DENND2C: variants seen among roughly 807,000 people sequenced by gnomAD.
DENND2C encodes DENN domain containing 2C, also known as DENN domain-containing protein 2C.
Under a neutral mutation model 112.4 loss-of-function variants are expected in DENND2C, and 72 were observed. The ratio of observed to expected loss-of-function variants is 0.64; its 90% CI spans 0.53 to 0.78. DENND2C has a LOEUF of 0.78. Among genes scored for constraint, DENND2C ranks in the 30% least tolerant of loss-of-function variants. The pLI, the probability that DENND2C is intolerant of heterozygous loss-of-function variation, is 0.00. For missense variants in DENND2C, 992 were observed against 1,113.8 expected (o/e 0.89, Z 1.56); for synonymous variants, 329 against 381.6 (o/e 0.86, Z 1.61).
At chr1:114,610,564 G>A (rs1031224555) in intron 9 of DENND2C, among the ~76,000 whole-genome samples, 1 of 152,108 alleles carries the variant, frequency 6.6e-6, no homozygotes, top group Admixed American at 6.5e-5. Context: ...GCTTGGCGTG[G>A]TGGCACATGC....
intron 3 of DENND2C, among the ~76,000 whole-genome samples, chr1:114,638,038 A>C (rs1164454490): frequency 1.3e-5 from 2 of 152,196 alleles, no homozygotes; most frequent in African/African-American, 4.8e-5. Context: ...AGACTACCTG[A>C]TTTTAAGACT....
At chr1:114,652,783 G>A (rs886321253) in intron 2 of DENND2C, among the ~76,000 whole-genome samples, 1 of 150,590 alleles carries the variant, frequency 6.6e-6, no homozygotes, top group Non-Finnish European at 1.5e-5. Context: ...CCGGGCTCAA[G>A]TGATTGTCCC....
intron 12 of DENND2C, 53 bp from the exon 13 acceptor site, chr1:114,601,638 T>C: frequency 1.3e-6 from 2 of 1,492,182 alleles, no homozygotes; most frequent in Non-Finnish European, 9.3e-7. Context: ...ACATTTTTAT[T>C]AATACTAATT....
In DENND2C at chr1:114,626,138, T is replaced by G; in HGVS notation, c.-154A>C. On this transcript the variant is annotated 5_prime_UTR_variant, in exon 4 of 21. Transcript: ENST00000393274. ...GTAAATCTCTTTGTAAAAAGAAAAT[T>G]TTGATCAGTGATCCTTGTTGAAAAT... The G allele has an allele frequency of 1.3e-6, 1 of 745,582 alleles. No individual in the cohort carries two copies. 46.2% of individuals were successfully genotyped at this position (745,582 alleles called of 1,614,324 possible). A position where few individuals can be genotyped will look rare whatever the true frequency, so the allele number is the denominator to read the frequency against.
At chr1:114,636,257 T>TA (rs1455987401) in intron 3 of DENND2C, among the ~76,000 whole-genome samples, 1 of 151,980 alleles carries the variant, frequency 6.6e-6, no homozygotes, top group African/African-American at 2.4e-5. Context: ...TATCTATAAA[T>TA]AAAAAAACCC....
At chr1:114,657,923 C>T (rs1376078382) in intron 1 of DENND2C, among the ~76,000 whole-genome samples, 1 of 152,156 alleles carries the variant, frequency 6.6e-6, no homozygotes, top group African/African-American at 2.4e-5. Flanking sequence ...GGAGAGAGAG[C>T]ATGGGCCTCC....
Position 114,594,529 on chromosome 1 carries a change from A to C in DENND2C, c.2375T>G (p.Met792Arg). ...ILPPKLQAAL[M>R]QILEERNEIL... ...TTCATTTCGTTCTTCCAAAATCTGC[A>C]TCAGGGCAGCTTGAAGTTTTGGTGG... Residue 792 changes from methionine (M) to arginine (R), a missense_variant, in exon 18 of 21, where the codon ATG becomes AGG. Met to Arg is a moderately conservative substitution (Grantham distance 91, BLOSUM62 -1). This residue lies in a region of DENND2C where 516 missense variants were observed against 623.6 expected (regional missense o/e 0.83). Coordinates refer to ENST00000393274, the MANE Select transcript of DENND2C (RefSeq NM_001256404.2). 1 of 1,614,056 alleles carries C rather than the reference A, an allele frequency of 6.2e-7. No individual in the cohort carries two copies. The highest frequency in any genetic ancestry group is 8.5e-7 in the Non-Finnish European group (1 of 1,180,002).
chr1:114,636,568 G>A (rs1570795071), intron 3 of DENND2C, among the ~76,000 whole-genome samples: 1 of 152,086 alleles, frequency 6.6e-6, no homozygotes. Context: ...GGGAGATTAA[G>A]GTGGGAATGG....
At chr1:114,649,344 A>C (rs975402468) in intron 2 of DENND2C, among the ~76,000 whole-genome samples, 1 of 152,192 alleles carries the variant, frequency 6.6e-6, no homozygotes, top group African/African-American at 2.4e-5. Flanking sequence ...AAATTGCTTC[A>C]AAACAACTTT....
intron 1 of DENND2C, among the ~76,000 whole-genome samples, chr1:114,658,212 G>A (rs1442512222): frequency 6.6e-6 from 1 of 152,108 alleles, no homozygotes; most frequent in Non-Finnish European, 1.5e-5. Context: ...AGAATACACA[G>A]GTTCCCTAAG....
At chr1:114,591,875 ATTATTT>A (rs1655201721) in intron 18 of DENND2C, among the ~76,000 whole-genome samples, 1 of 148,618 alleles carries the variant, frequency 6.7e-6, no homozygotes, top group African/African-American at 2.5e-5. Context: ...TATTATTATT[ATTATTT>A]TTATTATTAT....
At chr1:114,632,361 C>T (rs185949081) in intron 3 of DENND2C, among the ~76,000 whole-genome samples, 11 of 152,000 alleles carry the variant, frequency 7.2e-5, no homozygotes, top group Non-Finnish European at 1.3e-4. Flanking sequence ...AAAACCATAA[C>T]CAAGTTGCTA....
chr1:114,618,235 G>A (rs113798285), intron 8 of DENND2C, 151 bp downstream of exon 8: 5 of 346,860 alleles, frequency 1.4e-5, no homozygotes, highest in African/African-American at 2.1e-5. Context: ...TGATCCACCC[G>A]CCTTGGCCTC....
chr1:114,623,357 TA>T, intron 5 of DENND2C, 149 bp downstream of exon 5: 1 of 745,548 alleles, frequency 1.3e-6, no homozygotes. Context: ...CATTAGAGAA[TA>T]AAATAATTTA....
At chr1:114,599,117 A>G (rs1420895058) in intron 16 of DENND2C, among the ~76,000 whole-genome samples, 157 bp downstream of exon 16, 8 of 152,218 alleles carry the variant, frequency 5.3e-5, no homozygotes, top group Non-Finnish European at 1.5e-5. Flanking sequence ...TCTTAATACT[A>G]GAAGTATTAT....
At chr1:114,605,443 G>A (rs1030539343) in intron 10 of DENND2C, among the ~76,000 whole-genome samples, 1 of 152,146 alleles carries the variant, frequency 6.6e-6, no homozygotes, top group African/African-American at 2.4e-5. Context: ...AAACCTAGTC[G>A]GCTCAAGACA....
At chr1:114,603,163 C>CG (rs1655563405) in intron 11 of DENND2C, among the ~76,000 whole-genome samples, 1 of 147,822 alleles carries the variant, frequency 6.8e-6, no homozygotes, top group African/African-American at 2.5e-5. Flanking sequence ...TTTTCTGAGA[C>CG]GGAGTCTCAC....
At chr1:114,654,475 T>C (rs1279692780) in intron 2 of DENND2C, 30 bp downstream of exon 2, 1 of 152,164 alleles carries the variant, frequency 6.6e-6, no homozygotes, top group Admixed American at 6.5e-5. Flanking sequence ...ATCACTTTTA[T>C]AGCATTTGTT....
chr1:114,602,470 A>T (rs755390132), intron 11 of DENND2C, among the ~76,000 whole-genome samples: 3 of 152,220 alleles, frequency 2.0e-5, no homozygotes, highest in Non-Finnish European at 4.4e-5. Context: ...CTTGTACTGG[A>T]GTGAGAGAAT....
Sources: allele counts gnomAD v4.1 joint callset (sites outside exome capture counted in the v4.1 genomes callset), GRCh38; gene constraint gnomAD v4.1.1; regional missense constraint gnomAD v4.1.1; transcripts MANE v1.5; gene names NCBI Gene and HGNC (gene_info 2026-07-23, HGNC 2026-07-21).